The following GALNT13 variants were observed in gnomAD, a reference collection of about 807,000 sequenced individuals.
GALNT13 encodes polypeptide N-acetylgalactosaminyltransferase 13, also known as UDP-GalNAc:polypeptide N-acetylgalactosaminyltransferase 13.
GALNT13 carries 28 observed loss-of-function variants against 64.2 expected under a neutral mutation model. The observed-to-expected ratio is 0.44, with a 90% CI of 0.32 to 0.60. The LOEUF is 0.60. GALNT13 is among the 20% of genes least tolerant of loss of function. GALNT13 has a pLI of 0.05. For missense variants in GALNT13, 577 were observed against 669.8 expected (o/e 0.86, Z 1.53); for synonymous variants, 214 against 224.6 (o/e 0.95, Z 0.42).
the GALNT13 span, among the ~76,000 whole-genome samples, chr2:153,614,943 CTGTTGTGTTATCA>C: frequency 2.0e-5 from 3 of 151,926 alleles, no homozygotes; most frequent in African/African-American, 7.2e-5. Flanking sequence ...TATAGTAACC[CTGTTGTGTTATCA>C]AATAGTAGGT....
intron 4 of GALNT13, among the ~76,000 whole-genome samples, chr2:154,199,121 GT>G (rs201517229): frequency 6.6e-6 from 1 of 150,384 alleles, no homozygotes; most frequent in African/African-American, 2.4e-5. Flanking sequence ...AATTTCTTCT[GT>G]TTTTTTTTAA....
At chr2:154,242,528 C>T (rs1027336557) in intron 5 of GALNT13, among the ~76,000 whole-genome samples, 170 bp from the exon 6 acceptor site, 1 of 152,092 alleles carries the variant, frequency 6.6e-6, no homozygotes, top group Non-Finnish European at 1.5e-5. Flanking sequence ...TTTATGGATA[C>T]TTGACATTAA....
chr2:153,672,552 A>G, the GALNT13 span, among the ~76,000 whole-genome samples: 2 of 152,210 alleles, frequency 1.3e-5, no homozygotes, highest in African/African-American at 4.8e-5. Context: ...CAGCTAAAGC[A>G]GTGTGTAGGG....
At chr2:153,511,436 A>G in the GALNT13 span, among the ~76,000 whole-genome samples, 1 of 152,078 alleles carries the variant, frequency 6.6e-6, no homozygotes, top group Non-Finnish European at 1.5e-5. Flanking sequence ...GGGTTTCAAG[A>G]GATGTGGAAC....
chr2:154,289,625 C>T (rs1374992343), intron 8 of GALNT13, among the ~76,000 whole-genome samples: 1 of 152,190 alleles, frequency 6.6e-6, no homozygotes. Flanking sequence ...CCTCCCACAA[C>T]ACATGGGAAT....
chr2:154,081,838 G>T (rs973685214), intron 3 of GALNT13, among the ~76,000 whole-genome samples: 3 of 151,674 alleles, frequency 2.0e-5, no homozygotes, highest in Non-Finnish European at 3.0e-5. Context: ...ATGGACATTT[G>T]TGGTGAAACC....
At chr2:153,431,697 A>G in the GALNT13 span, among the ~76,000 whole-genome samples, 1 of 152,206 alleles carries the variant, frequency 6.6e-6, no homozygotes, top group Admixed American at 6.5e-5. Flanking sequence ...AGCTTTCTGC[A>G]TCTGTCAAAT....
intron 11 of GALNT13, among the ~76,000 whole-genome samples, chr2:154,427,494 G>A (rs1435865857): frequency 1.3e-5 from 2 of 152,170 alleles, no homozygotes; most frequent in African/African-American, 4.8e-5. Context: ...CACATACGAG[G>A]TCAGGGATGG....
chr2:154,038,006 G>A (rs1698762819), intron 3 of GALNT13, among the ~76,000 whole-genome samples: 1 of 152,064 alleles, frequency 6.6e-6, no homozygotes, highest in Admixed American at 6.6e-5. Flanking sequence ...AAATTAGTCA[G>A]GCCTGGTGTC....
the GALNT13 span, among the ~76,000 whole-genome samples, chr2:153,426,242 C>T: frequency 2.6e-5 from 4 of 151,836 alleles, no homozygotes; most frequent in African/African-American, 9.7e-5. Context: ...GATACTTGCT[C>T]AATTTCATAG....
the GALNT13 span, among the ~76,000 whole-genome samples, chr2:153,189,218 A>T: frequency 6.6e-6 from 1 of 152,020 alleles, no homozygotes; most frequent in South Asian, 2.1e-4. Flanking sequence ...TCCCCGTCCC[A>T]TTCCCCAAAA....
chr2:153,689,323 C>T, the GALNT13 span, among the ~76,000 whole-genome samples: 34 of 152,020 alleles, frequency 2.2e-4, no homozygotes, highest in Non-Finnish European at 4.0e-4. Context: ...ATATACTAGG[C>T]TATTTGGATC....
the GALNT13 span, among the ~76,000 whole-genome samples, chr2:153,232,672 G>A: frequency 6.6e-6 from 1 of 152,240 alleles, no homozygotes; most frequent in Non-Finnish European, 1.5e-5. Context: ...GGTAGTAACT[G>A]AGGGGACTGG....
At chr2:153,851,027 G>A in the GALNT13 span, among the ~76,000 whole-genome samples, 1 of 152,046 alleles carries the variant, frequency 6.6e-6, no homozygotes, top group African/African-American at 2.4e-5. Context: ...ATGAAAGATT[G>A]ACCAAATTTG....
At chr2:153,533,723 C>CTTTTTTT in the GALNT13 span, among the ~76,000 whole-genome samples, 243 of 48,664 alleles carry the variant, frequency 5.0e-3, 38 homozygotes, top group East Asian at 0.035. Flanking sequence ...TGAGGTTTTT[C>CTTTTTTT]TTTTTTTTTT....
the GALNT13 span, chr2:153,421,645 TG>T: frequency 3.7e-6 from 1 of 268,196 alleles, no homozygotes; most frequent in South Asian, 5.9e-5. Context: ...GCCAATGTCG[TG>T]ATGCCCCCAG....
chr2:153,174,833 T>C, the GALNT13 span, among the ~76,000 whole-genome samples: 2 of 152,266 alleles, frequency 1.3e-5, no homozygotes, highest in Admixed American at 6.5e-5. Context: ...AACACTCTCT[T>C]TAAGGCAATG....
the GALNT13 span, among the ~76,000 whole-genome samples, chr2:153,479,991 A>G: frequency 6.6e-6 from 1 of 152,004 alleles, no homozygotes; most frequent in Non-Finnish European, 1.5e-5. Flanking sequence ...CAGTAACTTG[A>G]GCTTCCAATA....
chr2:154,300,117 T>TTTTTA (rs368999161), intron 8 of GALNT13, among the ~76,000 whole-genome samples: 41 of 148,296 alleles, frequency 2.8e-4, no homozygotes, highest in African/African-American at 9.2e-4. Context: ...TTTTTTTTTT[T>TTTTTA]GAGATAGAGT....
Sources: allele counts gnomAD v4.1 joint callset (sites outside exome capture counted in the v4.1 genomes callset), GRCh38; gene constraint gnomAD v4.1.1; transcripts MANE v1.5; gene names NCBI Gene and HGNC (gene_info 2026-07-23, HGNC 2026-07-21).